Variants in CACNB4 observed in about 807,000 individuals in gnomAD.
CACNB4 encodes the protein voltage-dependent L-type calcium channel subunit beta-4.
In CACNB4, 32 loss-of-function variants were observed where a neutral mutation model predicts 71.2. That is an observed-to-expected ratio of 0.45 (90% CI 0.34 to 0.60). The LOEUF (loss-of-function observed/expected upper bound fraction) is 0.60, where lower values mean the gene tolerates loss of function less well. CACNB4 is among the 20% of genes least tolerant of loss of function. CACNB4 has a pLI of 0.01. For synonymous variants in CACNB4, 231 were observed against 236.9 expected, an observed-to-expected ratio of 0.97 and a Z score of 0.23; for missense variants, 464 against 647.9, an observed-to-expected ratio of 0.72 and a Z score of 3.08.
At chr2:151,967,461 G>C (rs10175407) in intron 2 of CACNB4, 1 of 143,650 alleles carries the variant, frequency 7.0e-6, no homozygotes, top group East Asian at 1.9e-4. Flanking sequence ...ATGCCCAATA[G>C]AAGGCAAAAT....
At chr2:151,841,754 A>G in intron 13 of CACNB4, 149 bp downstream of exon 13, 1 of 642,010 alleles carries the variant, frequency 1.6e-6, no homozygotes, top group Non-Finnish European at 2.6e-6. Flanking sequence ...GATAGATCAT[A>G]ATTAGATAAT....
intron 2 of CACNB4, among the ~76,000 whole-genome samples, chr2:152,002,989 T>G (rs1463418900): frequency 6.6e-6 from 1 of 152,224 alleles, no homozygotes; most frequent in Non-Finnish European, 1.5e-5. Flanking sequence ...TTAAAATACA[T>G]TCCATCAATG....
chr2:152,098,582 C>CCCCCCCA lies in CACNB4; in HGVS notation c.64-170_64-169insTGGGGGG. Reference sequence around the variant, plus strand: ...AAATACAGCCCCCACCCCCACCCACCCACTGCAAGCCTCGACTGCTGAAAA... The same window carrying CCCCCCCA: ...AAATACAGCCCCCACCCCCACCCACCCCCCCCACACTGCAAGCCTCGACTGCTGAAAA... On this transcript the variant is annotated intron_variant, in intron 1 of 13. Coordinates refer to ENST00000539935, the MANE Select transcript of CACNB4 (RefSeq NM_000726.5). This position sits in a 1 kb window ranked among gnomAD's most constrained non-coding sequence, Gnocchi z 5.3. 2.0e-6 allele frequency: 2 copies of CCCCCCCA among 1,009,710 alleles called. No homozygotes were observed. Among genetic ancestry groups the CCCCCCCA allele is most frequent in the African/African-American group, 1.6e-5 (1 of 62,988 alleles). The allele number at this position is 1,009,710 out of a possible 1,614,324, so 62.5% of individuals were successfully genotyped here.
chr2:151,974,980 A>C (rs147589372), intron 2 of CACNB4, among the ~76,000 whole-genome samples: 29 of 152,342 alleles, frequency 1.9e-4, no homozygotes, highest in African/African-American at 6.7e-4. Flanking sequence ...CCAGAAACTC[A>C]GAGGCTCTAA....
In CACNB4 at chr2:152,053,782, C is replaced by A. The variant is rs114401475; in HGVS notation, c.147+44548G>T. ...CAAGCAATCCTCCTGCCTCACCCTC[C>A]CAAAAGTGCTGGGATTACAGGCATG... On this transcript the variant is annotated intron_variant, in intron 2 of 13. Transcript: ENST00000539935. Among the ~76,000 whole-genome samples the A allele has an allele frequency of 4.1e-3, 631 of 152,236 alleles. 2 individuals carry two copies. The highest frequency in any genetic ancestry group is 7.0e-3 in the Admixed American group (107 of 15,284).
chr2:151,963,273 CTGCA>C (rs1249762211), intron 2 of CACNB4, among the ~76,000 whole-genome samples: 1 of 145,012 alleles, frequency 6.9e-6, no homozygotes, highest in Non-Finnish European at 1.5e-5. Context: ...GATTGCGCCA[CTGCA>C]CTCCAGCCTG....
chr2:151,947,537 G>A (rs2099865891), intron 2 of CACNB4, among the ~76,000 whole-genome samples: 1 of 152,182 alleles, frequency 6.6e-6, no homozygotes, highest in African/African-American at 2.4e-5. Context: ...CATAGAATAA[G>A]TAACTTCAGA....
chr2:151,904,042 A>T (rs1030066327), intron 2 of CACNB4, among the ~76,000 whole-genome samples: 2 of 152,246 alleles, frequency 1.3e-5, no homozygotes, highest in African/African-American at 4.8e-5. Flanking sequence ...CATTCATCCT[A>T]AAAAATGTAT....
At chr2:151,882,579 GCAAA>G (rs112898273) in intron 3 of CACNB4, among the ~76,000 whole-genome samples, 3 of 152,088 alleles carry the variant, frequency 2.0e-5, no homozygotes, top group East Asian at 1.9e-4. Context: ...AAATCAAAAA[GCAAA>G]CAAACAAACA....
At chr2:151,865,017 T>G (rs923742943) in intron 9 of CACNB4, among the ~76,000 whole-genome samples, 5 of 152,212 alleles carry the variant, frequency 3.3e-5, no homozygotes, top group Non-Finnish European at 7.3e-5. Context: ...AATATTCAAG[T>G]TTGACACTCA....
chr2:152,007,488 G>C (rs1057501659), intron 2 of CACNB4, among the ~76,000 whole-genome samples: 2 of 152,164 alleles, frequency 1.3e-5, no homozygotes, highest in African/African-American at 2.4e-5. Flanking sequence ...TTGGGGCCTG[G>C]CTTATTTCAC....
chr2:152,027,649 C>T (rs1299122293), intron 2 of CACNB4, among the ~76,000 whole-genome samples: 1 of 152,106 alleles, frequency 6.6e-6, no homozygotes, highest in African/African-American at 2.4e-5. Context: ...GTCAGGAGAT[C>T]GAGACCAGCC....
intron 2 of CACNB4, among the ~76,000 whole-genome samples, chr2:151,942,090 T>C (rs750179169): frequency 6.7e-6 from 1 of 149,908 alleles, no homozygotes; most frequent in Non-Finnish European, 1.5e-5. Flanking sequence ...ATTCACAAGA[T>C]GGTAAAACAC....
chr2:152,005,393 T>C (rs1316409184), intron 2 of CACNB4, among the ~76,000 whole-genome samples: 1 of 152,212 alleles, frequency 6.6e-6, no homozygotes, highest in African/African-American at 2.4e-5. Flanking sequence ...AGCAGGAGGC[T>C]GTCATCCTAA....
intron 2 of CACNB4, among the ~76,000 whole-genome samples, chr2:152,086,073 G>A (rs886666201): frequency 1.3e-5 from 2 of 152,166 alleles, no homozygotes; most frequent in Admixed American, 1.3e-4. Flanking sequence ...GCCTTTGATT[G>A]GGTTGGTTTA....
intron 2 of CACNB4, among the ~76,000 whole-genome samples, chr2:151,913,687 A>G (rs1578768137): frequency 6.8e-6 from 1 of 147,004 alleles, no homozygotes; most frequent in African/African-American, 2.5e-5. Flanking sequence ...AATGGCATGA[A>G]CCCAGGAGGC....
chr2:152,098,330 C>T lies in CACNB4; in HGVS notation c.147G>A (p.Gln49=). Residue 49 remains glutamine, a splice_region_variant and synonymous_variant, in exon 2 of 14, where the codon CAG becomes CAA. Transcript: ENST00000539935. This position sits in a 1 kb window ranked among gnomAD's most constrained non-coding sequence, Gnocchi z 5.3. ...CTGGTCTCCCGCCTCCTTCTCATACCTGTCTGAGGATGAAGCTGGTCGAAG... is the reference window on the plus strand; with the variant it reads ...CTGGTCTCCCGCCTCCTTCTCATACTTGTCTGAGGATGAAGCTGGTCGAAG... ...STTSTSFILR[Q]GSADSYTSRP... 1 of 1,612,288 alleles carries T rather than the reference C, an allele frequency of 6.2e-7. No individual in the cohort carries two copies. The highest frequency in any genetic ancestry group is 8.5e-7 in the Non-Finnish European group (1 of 1,178,332).
intron 2 of CACNB4, among the ~76,000 whole-genome samples, chr2:151,902,393 A>C (rs2099853689): frequency 6.6e-6 from 1 of 152,128 alleles, no homozygotes; most frequent in African/African-American, 2.4e-5. Context: ...TTGTACATGA[A>C]AGACACTGGA....
chr2:151,961,485 CTGAT>C (rs2099869630), intron 2 of CACNB4, among the ~76,000 whole-genome samples: 1 of 152,222 alleles, frequency 6.6e-6, no homozygotes, highest in South Asian at 2.1e-4. Context: ...ACCCAGGAGA[CTGAT>C]TGCAGTGAAA....
Sources: gnomAD v4.1 joint callset for allele counts (sites outside exome capture counted in the v4.1 genomes callset) on GRCh38, gnomAD v4.1.1 for gene constraint, Gnocchi (gnomAD v3.1) non-coding constraint, MANE v1.5 for transcripts, NCBI Gene and HGNC (gene_info 2026-07-23, HGNC 2026-07-21) for gene names.